Variants in BRINP1 observed in about 807,000 individuals in gnomAD.
BRINP1 encodes the protein BMP/retinoic acid inducible neural specific 1.
A neutral mutation model predicts 72.9 loss-of-function variants in BRINP1; 17 were observed. That is an observed-to-expected ratio of 0.23 (90% CI 0.16 to 0.35). The LOEUF (loss-of-function observed/expected upper bound fraction) is 0.35, where lower values mean the gene tolerates loss of function less well. BRINP1 is among the 10% of genes least tolerant of loss of function. The pLI is 1.00. For synonymous variants in BRINP1, 418 were observed against 378.5 expected (o/e 1.10, Z -1.21); for missense variants, 850 against 1,001.6 (o/e 0.85, Z 2.04).
Position 119,282,186 on chromosome 9 carries a change from C to T in BRINP1, c.218+30952G>A, listed in dbSNP as rs1830719045. ...CCCTACCTAAGTGATTCTTGTCCCACACCCACCTCCATCCCTTCCCTGTGA... is the reference window on the plus strand; with the variant it reads ...CCCTACCTAAGTGATTCTTGTCCCATACCCACCTCCATCCCTTCCCTGTGA... On this transcript the variant is annotated intron_variant, in intron 2 of 7. Coordinates refer to ENST00000265922, the MANE Select transcript of BRINP1 (RefSeq NM_014618.3). Among the ~76,000 whole-genome samples the T allele has an allele frequency of 1.3e-5, 2 of 152,212 alleles. 1 individual carries two copies. Among genetic ancestry groups the T allele is most frequent in the Admixed American group, 1.3e-4 (2 of 15,274 alleles).
At chr9:119,295,000 G>GA (rs879590674) in intron 2 of BRINP1, among the ~76,000 whole-genome samples, 53 of 146,314 alleles carry the variant, frequency 3.6e-4, no homozygotes, top group Middle Eastern at 3.5e-3. Context: ...TATAGAAATA[G>GA]AAAAAAAAAA....
At chr9:119,168,424 A>G (rs541742388) in intron 7 of BRINP1, among the ~76,000 whole-genome samples, 200 bp from the exon 8 acceptor site, 4 of 152,176 alleles carry the variant, frequency 2.6e-5, no homozygotes, top group African/African-American at 9.7e-5. Context: ...CAGCTGCATG[A>G]CATCGTACTT....
At chr9:119,272,219 G>C (rs1411238157) in intron 2 of BRINP1, among the ~76,000 whole-genome samples, 1 of 151,604 alleles carries the variant, frequency 6.6e-6, no homozygotes, top group Non-Finnish European at 1.5e-5. Flanking sequence ...CTAGGATGTA[G>C]TAGCAGGTGC....
intron 5 of BRINP1, among the ~76,000 whole-genome samples, chr9:119,238,387 C>T (rs1244330655): frequency 6.8e-6 from 1 of 147,132 alleles, no homozygotes; most frequent in Non-Finnish European, 1.5e-5. Flanking sequence ...TTTATAAATA[C>T]AAATTAATTA....
intron 1 of BRINP1, among the ~76,000 whole-genome samples, chr9:119,367,673 T>C (rs1354356856): frequency 6.6e-6 from 1 of 152,176 alleles, no homozygotes; most frequent in Non-Finnish European, 1.5e-5. Context: ...ACCGCCCCCC[T>C]GCCCTTGGCA....
chr9:119,244,325 G>T (rs1330380148), intron 3 of BRINP1, among the ~76,000 whole-genome samples: 2 of 152,166 alleles, frequency 1.3e-5, no homozygotes, highest in Non-Finnish European at 2.9e-5. Context: ...TAAAACTGAT[G>T]CTATATCCAA....
At chr9:119,336,033 G>A (rs1368248194) in intron 1 of BRINP1, among the ~76,000 whole-genome samples, 2 of 152,170 alleles carry the variant, frequency 1.3e-5, no homozygotes, top group Non-Finnish European at 2.9e-5. Context: ...TGACATGTAT[G>A]GGTAAAAGTC....
chr9:119,211,736 C>T (rs1285204081), intron 6 of BRINP1, among the ~76,000 whole-genome samples: 1 of 152,164 alleles, frequency 6.6e-6, no homozygotes, highest in Non-Finnish European at 1.5e-5. Context: ...CTGTGATGCA[C>T]ATACGGATGA....
chr9:119,185,773 T>C lies in BRINP1; in HGVS notation c.1146-17549A>G, dbSNP rs149744984. Among the ~76,000 whole-genome samples the C allele has an allele frequency of 4.5e-3, 686 of 152,314 alleles. 6 individuals carry two copies. Among genetic ancestry groups the C allele is most frequent in the African/African-American group, 0.016 (654 of 41,572 alleles). ...GTCTTCATGGGCCCTGAGCCCAGTT[T>C]AGGGAACTGCCTGGAGTTTGCACAG... is the stretch of plus-strand genomic sequence containing the variant. On this transcript the variant is annotated intron_variant, in intron 7 of 7. Coordinates refer to ENST00000265922, the MANE Select transcript of BRINP1 (RefSeq NM_014618.3).
intron 1 of BRINP1, among the ~76,000 whole-genome samples, chr9:119,326,011 T>C (rs535891575): frequency 4.6e-5 from 7 of 152,186 alleles, no homozygotes; most frequent in Non-Finnish European, 8.8e-5. Flanking sequence ...AATTTATTAG[T>C]AAGAGTGAAT....
At chr9:119,226,654 T>C (rs1159466116) in intron 5 of BRINP1, among the ~76,000 whole-genome samples, 3 of 104,354 alleles carry the variant, frequency 2.9e-5, no homozygotes, top group Non-Finnish European at 4.0e-5. Flanking sequence ...AAGCCTAGTA[T>C]CATCTATTCT....
intron 1 of BRINP1, among the ~76,000 whole-genome samples, chr9:119,356,633 C>T (rs931469661): frequency 6.6e-6 from 1 of 151,826 alleles, no homozygotes; most frequent in East Asian, 1.9e-4. Flanking sequence ...GTGAAAACCT[C>T]ATCTCTACTA....
intron 3 of BRINP1, among the ~76,000 whole-genome samples, chr9:119,246,447 C>A (rs991653569): frequency 1.6e-4 from 25 of 152,210 alleles, no homozygotes; most frequent in African/African-American, 5.3e-4. Flanking sequence ...CCTTGAACAT[C>A]GGACTCCAAG....
At chr9:119,214,769 T>C (rs1297567581) in intron 5 of BRINP1, among the ~76,000 whole-genome samples, 2 of 152,048 alleles carry the variant, frequency 1.3e-5, no homozygotes, top group Admixed American at 1.3e-4. Context: ...GAAACCTTCA[T>C]AGAGGAGACA....
intron 7 of BRINP1, among the ~76,000 whole-genome samples, chr9:119,181,842 CTTGAG>C (rs1829561654): frequency 6.6e-6 from 1 of 152,234 alleles, no homozygotes; most frequent in Admixed American, 6.5e-5. Context: ...ATTATTTAAC[CTTGAG>C]TTAATTGCTT....
chr9:119,313,439 A>G (rs1831090316), intron 1 of BRINP1, 34 bp from the exon 2 acceptor site: 1 of 1,497,320 alleles, frequency 6.7e-7, no homozygotes, highest in Admixed American at 2.5e-5. Flanking sequence ...AGAGAGAAAA[A>G]AAGAGAAACC....
intron 7 of BRINP1, among the ~76,000 whole-genome samples, chr9:119,200,475 C>T (rs991668559): frequency 9.9e-5 from 15 of 151,612 alleles, no homozygotes; most frequent in African/African-American, 3.4e-4. Context: ...ATTAGATAAG[C>T]TAGCCAGGTA....
At position 119,283,023 on chromosome 9, in the gene BRINP1, C is replaced by T. The variant is rs1022944259; in HGVS notation, c.218+30115G>A. On this transcript the variant is annotated intron_variant, in intron 2 of 7. Coordinates refer to ENST00000265922, the MANE Select transcript of BRINP1 (RefSeq NM_014618.3). ...AGATTCCTTTTAAGCCTTTTCAAAG[C>T]AGAAATTGATGACAGGACTTGACCA... The T allele has an allele frequency of 6.1e-6, 6 of 985,384 alleles. No individual in the cohort carries two copies. The South Asian group carries it at 2.8e-4, about 46-fold the overall frequency. 61.0% of individuals were successfully genotyped at this position (985,384 alleles called of 1,614,324 possible). A position where few individuals can be genotyped will look rare whatever the true frequency, so the allele number is the denominator to read the frequency against.
chr9:119,295,475 C>T (rs1345987116), intron 2 of BRINP1, among the ~76,000 whole-genome samples: 1 of 152,198 alleles, frequency 6.6e-6, no homozygotes, highest in African/African-American at 2.4e-5. Context: ...TGTTACTTTA[C>T]TGACTACTGT....
Sources: gnomAD v4.1 joint callset for allele counts (sites outside exome capture counted in the v4.1 genomes callset) on GRCh38, gnomAD v4.1.1 for gene constraint, MANE v1.5 for transcripts, NCBI Gene and HGNC (gene_info 2026-07-23, HGNC 2026-07-21) for gene names.